Variants in STARD13 observed in about 807,000 individuals in gnomAD.
The protein encoded by STARD13 is StAR related lipid transfer domain containing 13, also known as stAR-related lipid transfer protein 13.
STARD13 carries 62 observed loss-of-function variants against 106.4 expected under a neutral mutation model. That is an observed-to-expected ratio of 0.58 (90% confidence interval 0.48 to 0.72). The LOEUF (loss-of-function observed/expected upper bound fraction) is 0.72, where lower values mean the gene tolerates loss of function less well. Ranked by LOEUF, STARD13 falls within the 30% of genes least tolerant of loss-of-function variation. STARD13 has a pLI of 0.00. For synonymous variants in STARD13, 565 were observed against 553.0 expected (o/e 1.02, Z -0.31); for missense variants, 1,387 against 1,424.0 (o/e 0.97, Z 0.42).
At chr13:33,452,072 T>A in the STARD13 span, among the ~76,000 whole-genome samples, 176 of 152,270 alleles carry the variant, frequency 1.2e-3, no homozygotes, top group Non-Finnish European at 2.3e-3. Context: ...GCTTTTGTAA[T>A]TTAGAGGAGA....
At chr13:33,340,876 T>C (rs2077952306) in intron 1 of STARD13, among the ~76,000 whole-genome samples, 1 of 152,224 alleles carries the variant, frequency 6.6e-6, no homozygotes, top group South Asian at 2.1e-4. Flanking sequence ...GGCAGCATAG[T>C]AAAATTTATG....
the STARD13 span, among the ~76,000 whole-genome samples, chr13:33,575,939 A>C: frequency 6.6e-6 from 1 of 152,174 alleles, no homozygotes; most frequent in Non-Finnish European, 1.5e-5. Flanking sequence ...ATGTTCAGGA[A>C]TTATATGTAA....
chr13:33,520,543 G>A, the STARD13 span, among the ~76,000 whole-genome samples: 6 of 152,038 alleles, frequency 3.9e-5, no homozygotes, highest in African/African-American at 1.4e-4. Context: ...AACAATAGCG[G>A]CCAGTCTAAC....
intron 1 of STARD13, chr13:33,180,602 C>A (rs1257030183): frequency 6.6e-6 from 1 of 152,130 alleles, no homozygotes; most frequent in African/African-American, 2.4e-5. Context: ...AATGTGGAGT[C>A]CAAGGTCATT....
chr13:33,283,274 A>C (rs1891894853), intron 1 of STARD13, among the ~76,000 whole-genome samples: 1 of 152,204 alleles, frequency 6.6e-6, no homozygotes, highest in South Asian at 2.1e-4. Context: ...TCATAGGTTC[A>C]GTACTTTAGC....
At chr13:33,591,316 A>G in the STARD13 span, among the ~76,000 whole-genome samples, 4 of 152,252 alleles carry the variant, frequency 2.6e-5, no homozygotes, top group Non-Finnish European at 5.9e-5. Flanking sequence ...CTTATTTATC[A>G]TGTAAAAAAA....
chr13:33,595,183 T>G, the STARD13 span, among the ~76,000 whole-genome samples: 4 of 152,220 alleles, frequency 2.6e-5, no homozygotes, highest in African/African-American at 9.6e-5. Context: ...AAAATGATTT[T>G]GAATGCATGC....
the STARD13 span, among the ~76,000 whole-genome samples, chr13:33,455,931 A>G: frequency 6.6e-6 from 1 of 152,198 alleles, no homozygotes; most frequent in Non-Finnish European, 1.5e-5. Flanking sequence ...AGACAGAGCA[A>G]GACTCCGTCT....
At chr13:33,537,406 T>C in the STARD13 span, among the ~76,000 whole-genome samples, 1 of 152,258 alleles carries the variant, frequency 6.6e-6, no homozygotes, top group Non-Finnish European at 1.5e-5. Context: ...GAACCCACTA[T>C]GTATCAGACA....
chr13:33,594,688 C>T, the STARD13 span, among the ~76,000 whole-genome samples: 1 of 152,176 alleles, frequency 6.6e-6, no homozygotes, highest in Non-Finnish European at 1.5e-5. Flanking sequence ...CTGCCTCTCC[C>T]CAGCCCTGGC....
At chr13:33,197,101 C>T (rs1050631207) in intron 1 of STARD13, among the ~76,000 whole-genome samples, 1 of 152,220 alleles carries the variant, frequency 6.6e-6, no homozygotes, top group African/African-American at 2.4e-5. Context: ...GGTGGCCACA[C>T]TGCCTGCTTC....
Position 33,295,534 on chromosome 13 carries a change from T to G in STARD13, c.124+54756A>C, listed in dbSNP as rs1053963388. ...TTTCCTTTACCCTTTTTTATTCAGA[T>G]ATTTCTAATGTATTCTTCATGCCAG... On this transcript the variant is annotated intron_variant, in intron 1 of 5. Coordinates refer to the STARD13 transcript ENST00000567873. 3.9e-5 allele frequency among the ~76,000 whole-genome samples: 6 copies of G among 152,324 alleles called. No homozygotes were observed. The East Asian group carries it at 9.6e-4, about 24-fold the overall frequency.
the STARD13 span, among the ~76,000 whole-genome samples, chr13:33,418,676 C>T: frequency 3.9e-5 from 6 of 152,332 alleles, no homozygotes; most frequent in African/African-American, 1.2e-4. Flanking sequence ...AACTGGGAGA[C>T]ACCTCCCAGT....
chr13:33,586,755 C>A, the STARD13 span, among the ~76,000 whole-genome samples: 1 of 152,140 alleles, frequency 6.6e-6, no homozygotes, highest in Admixed American at 6.5e-5. Flanking sequence ...AGCTATGACC[C>A]TGATAGGTGA....
the STARD13 span, among the ~76,000 whole-genome samples, chr13:33,433,531 C>T: frequency 1.3e-5 from 2 of 152,240 alleles, no homozygotes; most frequent in South Asian, 2.1e-4. Flanking sequence ...CCTCCTGCTA[C>T]GTCACGTTCC....
At position 33,109,877 on chromosome 13, in the gene STARD13, G is replaced by C. The variant is rs752054641; in HGVS notation, c.3043C>G (p.Leu1015Val). The change falls in exon 12 of 14, where the codon CTC becomes GTC. Residue 1015 changes from leucine to valine, a missense_variant. Physicochemically the swap from Leu to Val is conservative, Grantham distance 32. Transcript: ENST00000336934. ...AAACCCTAGAGTCAGGCTCACCTGA[G>C]AACCACAAAGTCTCTGGAAGGATGG... Reference protein sequence around the residue: ...APHPSRDFVVLRTWKTDLPKG... With the variant: ...APHPSRDFVVVRTWKTDLPKG... 3 of 1,614,040 alleles carry C rather than the reference G, an allele frequency of 1.9e-6. No homozygotes were observed. The African/African-American group carries it at 4.0e-5, about 22-fold the overall frequency.
chr13:33,124,150 T>C (rs758742977), intron 7 of STARD13, among the ~76,000 whole-genome samples: 1 of 152,222 alleles, frequency 6.6e-6, no homozygotes, highest in Admixed American at 6.5e-5. Flanking sequence ...CAGGTTTTGA[T>C]TCCTTATGTT....
intron 10 of STARD13, among the ~76,000 whole-genome samples, chr13:33,111,227 C>A (rs1874515414): frequency 6.6e-6 from 1 of 152,190 alleles, no homozygotes; most frequent in African/African-American, 2.4e-5. Flanking sequence ...CAACTTTACC[C>A]ACTATGAATA....
chr13:33,499,637 C>T, the STARD13 span, among the ~76,000 whole-genome samples: 1 of 130,520 alleles, frequency 7.7e-6, no homozygotes, highest in Non-Finnish European at 1.6e-5. Context: ...TCTTCTTCTT[C>T]TTCTTCTTCT....
Sources: gnomAD v4.1 joint callset for allele counts (sites outside exome capture counted in the v4.1 genomes callset) on GRCh38, gnomAD v4.1.1 for gene constraint, MANE v1.5 for transcripts, NCBI Gene and HGNC (gene_info 2026-07-23, HGNC 2026-07-21) for gene names.